Variants in KHDC1 observed in about 807,000 individuals in gnomAD.
KHDC1 encodes the protein KH domain containing 1, also known as KH homology domain-containing protein 1.
A neutral mutation model predicts 24.7 loss-of-function variants in KHDC1; 21 were observed. The observed-to-expected ratio is 0.85, with a 90% CI of 0.60 to 1.23. The LOEUF is 1.23. Ranked by LOEUF, KHDC1 falls within the 50% of genes most tolerant of loss-of-function variation. The pLI is 0.00. For synonymous variants in KHDC1, 98 were observed against 111.7 expected (o/e 0.88, Z 0.77); for missense variants, 274 against 298.5 (o/e 0.92, Z 0.61).
chr6:73,249,511 A>T (rs1459251525), intron 2 of KHDC1, among the ~76,000 whole-genome samples: 1 of 152,176 alleles, frequency 6.6e-6, no homozygotes, highest in Non-Finnish European at 1.5e-5. Context: ...CAATCTTGGT[A>T]ACCTCATATT....
At chr6:73,252,639 C>T (rs775144280) in intron 2 of KHDC1, among the ~76,000 whole-genome samples, 25 of 151,666 alleles carry the variant, frequency 1.6e-4, no homozygotes, top group Non-Finnish European at 3.1e-4. Context: ...GGCAAAACCC[C>T]ATTTCTTCAA....
At chr6:73,305,859 A>G (rs1012453195) in intron 1 of KHDC1, among the ~76,000 whole-genome samples, 1 of 152,018 alleles carries the variant, frequency 6.6e-6, no homozygotes, top group Non-Finnish European at 1.5e-5. Context: ...GGGGTTCACC[A>G]TGTTGGCCAG....
intron 2 of KHDC1, among the ~76,000 whole-genome samples, chr6:73,246,114 C>T (rs995071055): frequency 6.6e-6 from 1 of 152,124 alleles, no homozygotes; most frequent in Non-Finnish European, 1.5e-5. Context: ...GTCAGAAAAA[C>T]CTCTTAATTT....
chr6:73,253,316 G>A (rs1282431837), intron 2 of KHDC1, among the ~76,000 whole-genome samples: 2 of 152,144 alleles, frequency 1.3e-5, no homozygotes, highest in Non-Finnish European at 2.9e-5. Flanking sequence ...AGCACTTTGG[G>A]AGGCCGAGGG....
Position 73,257,670 on chromosome 6 carries a change from T to C in KHDC1, c.207-15140A>G, listed in dbSNP as rs183811698. ...CCTCGGCCTCCCAAAGTCCTGGGAT[T>C]ACAGGCGTGAGCCACCATGCCTGGC... On this transcript the variant is annotated intron_variant, in intron 2 of 4. Coordinates refer to ENST00000370384, the Ensembl canonical transcript of KHDC1. 4.4e-4 allele frequency among the ~76,000 whole-genome samples: 67 copies of C among 152,172 alleles called. No individual in the cohort carries two copies. In the East Asian group the frequency reaches 0.012, roughly 27 times the overall value.
chr6:73,292,165 T>C (rs1767665719), intron 1 of KHDC1: 1 of 1,544,140 alleles, frequency 6.5e-7, no homozygotes. Flanking sequence ...ATATTCCTCA[T>C]GCTTTGAAAG....
intron 2 of KHDC1, among the ~76,000 whole-genome samples, chr6:73,286,913 T>C (rs2150703885): frequency 6.6e-6 from 1 of 152,012 alleles, no homozygotes; most frequent in Non-Finnish European, 1.5e-5. Context: ...GATACTGCTT[T>C]CAGGATTTAA....
exon 5 of KHDC1, chr6:73,241,550 A>G (rs756908211): frequency 4.7e-5 from 76 of 1,613,918 alleles, no homozygotes; most frequent in Non-Finnish European, 5.7e-5. Context: ...GTGAACTCAA[A>G]TGGAAACCCG....
intron 2 of KHDC1, among the ~76,000 whole-genome samples, chr6:73,288,030 A>T (rs1310624833): frequency 6.6e-6 from 1 of 152,196 alleles, no homozygotes; most frequent in Non-Finnish European, 1.5e-5. Context: ...ATCCAGTATT[A>T]CATCCCAGGG....
intron 2 of KHDC1, among the ~76,000 whole-genome samples, chr6:73,267,150 T>C (rs754113996): frequency 9.9e-5 from 15 of 152,006 alleles, no homozygotes; most frequent in Non-Finnish European, 2.2e-4. Flanking sequence ...AAAACCACAA[T>C]GAGATACCAG....
intron 2 of KHDC1, chr6:73,291,184 C>T (rs1330271114): frequency 2.1e-6 from 1 of 482,028 alleles, no homozygotes; most frequent in East Asian, 5.8e-5. Context: ...AAGATTGGAG[C>T]ACTTAGCCTA....
intron 2 of KHDC1, among the ~76,000 whole-genome samples, chr6:73,273,539 G>A (rs955448525): frequency 8.6e-5 from 13 of 151,120 alleles, no homozygotes; most frequent in South Asian, 2.1e-4. Context: ...GGCACGGGCC[G>A]GGCGCAGTGG....
At chr6:73,255,214 CT>C (rs765910035) in intron 2 of KHDC1, among the ~76,000 whole-genome samples, 3,275 of 121,254 alleles carry the variant, frequency 0.027, 27 homozygotes, top group African/African-American at 0.056. Context: ...AAAAAATAAA[CT>C]TTTTTTTTTT....
At chr6:73,276,806 C>T (rs1251109931) in intron 2 of KHDC1, among the ~76,000 whole-genome samples, 1 of 152,170 alleles carries the variant, frequency 6.6e-6, no homozygotes, top group African/African-American at 2.4e-5. Flanking sequence ...TTTCTGTACT[C>T]TATATTCACT....
At chr6:73,288,158 G>A (rs1012096586) in intron 2 of KHDC1, among the ~76,000 whole-genome samples, 1 of 152,222 alleles carries the variant, frequency 6.6e-6, no homozygotes, top group African/African-American at 2.4e-5. Context: ...CCGAGAAGAC[G>A]GCAGTGAACT....
At chr6:73,241,943 C>T in intron 4 of KHDC1, 112 bp downstream of exon 3, 17 of 1,229,144 alleles carry the variant, frequency 1.4e-5, no homozygotes, top group Non-Finnish European at 1.9e-5. Flanking sequence ...CTCTGGGAAG[C>T]ACTTGGATTC....
Position 73,259,280 on chromosome 6 carries a change from C to CTTTTTTTTTTT in KHDC1, c.207-16761_207-16751dup, listed in dbSNP as rs59935884. Among the ~76,000 whole-genome samples, 42 of 73,258 alleles carry CTTTTTTTTTTT rather than the reference C, an allele frequency of 5.7e-4. 3 individuals are homozygous for CTTTTTTTTTTT. Among genetic ancestry groups the CTTTTTTTTTTT allele is most frequent in the African/African-American group, 2.0e-3 (32 of 15,748 alleles). 48.1% of individuals were successfully genotyped at this position (73,258 alleles called of 152,430 possible). On this transcript the variant is annotated intron_variant, in intron 2 of 4. Transcript: ENST00000370384. ...GCTTTCTGCTGACAAATCCAATATG[C>CTTTTTTTTTTT]TTTTTTTTTTTTTTTTTTTTTTTTT...
exon 3 of KHDC1, chr6:73,242,426 T>C (rs1247571163): frequency 1.2e-6 from 2 of 1,614,198 alleles, no homozygotes; most frequent in East Asian, 4.5e-5. Flanking sequence ...CTCCTCCTGG[T>C]CCTCTTCCAT....
intron 2 of KHDC1, among the ~76,000 whole-genome samples, chr6:73,245,664 A>C (rs1433463416): frequency 6.6e-6 from 1 of 152,154 alleles, no homozygotes. Flanking sequence ...AATTGTTCTA[A>C]ATATTCATTT....
Sources: gnomAD v4.1 joint callset for allele counts (sites outside exome capture counted in the v4.1 genomes callset) on GRCh38, gnomAD v4.1.1 for gene constraint, MANE v1.5 for transcripts, NCBI Gene and HGNC (gene_info 2026-07-23, HGNC 2026-07-21) for gene names.